NAGK: variants seen among roughly 807,000 people sequenced by gnomAD.
NAGK encodes the protein N-acetyl-D-glucosamine kinase.
NAGK carries 35 observed loss-of-function variants against 42.9 expected under a neutral mutation model. The ratio of observed to expected loss-of-function variants is 0.82; its 90% confidence interval spans 0.62 to 1.08. The LOEUF (loss-of-function observed/expected upper bound fraction) is 1.08. Among genes scored for constraint, NAGK ranks in the 50% least tolerant of loss-of-function variants. The pLI is 0.00. For synonymous variants in NAGK, 172 were observed against 176.0 expected (o/e 0.98, Z 0.18); for missense variants, 446 against 446.0 (o/e 1.00, Z 0.00).
chr2:71,072,403 G>T, intron 4 of NAGK: 1 of 496,948 alleles, frequency 2.0e-6, no homozygotes. Context: ...CCTCTAAGAG[G>T]TGCAGGCTTG....
At position 71,072,584 on chromosome 2, in the gene NAGK, A is replaced by G. The variant is rs186930955; in HGVS notation, c.356-57A>G. On this transcript the variant is annotated intron_variant, in intron 4 of 9. Coordinates refer to ENST00000244204, the MANE Select transcript of NAGK (RefSeq NM_017567.6). The stretch of plus-strand genomic sequence containing the variant: ...TCTGTCCTGTCTTTCCACAGTGGCA[A>G]GCTGTTGCTCTGTGCCAGGCCTCGG... 577 of 1,421,890 alleles carry G rather than the reference A, an allele frequency of 4.1e-4. 9 individuals are homozygous for G. The East Asian group carries it at 0.011, about 28-fold the overall frequency. The allele number at this position is 1,421,890 out of a possible 1,614,324, so 88.1% of individuals were successfully genotyped here.
Position 71,071,677 on chromosome 2 carries a change from G to A in NAGK, c.214-9G>A, listed in dbSNP as rs367798966. The A allele has an allele frequency of 3.1e-4, 493 of 1,610,096 alleles. No individual in the cohort carries two copies. Among genetic ancestry groups the A allele is most frequent in the Non-Finnish European group, 3.8e-4 (442 of 1,178,378 alleles). On this transcript the variant is annotated splice_polypyrimidine_tract_variant and intron_variant, in intron 3 of 9. Coordinates refer to ENST00000244204, the MANE Select transcript of NAGK (RefSeq NM_017567.6). ...CTCTGCACACTCGCTCACCTCCCGC[G>A]TGGCCTAGGGCCTATCTCTGAGCGG...
intron 8 of NAGK, 77 bp downstream of exon 8, chr2:71,076,778 C>A: frequency 1.7e-6 from 2 of 1,198,424 alleles, no homozygotes; most frequent in Admixed American, 1.9e-5. Flanking sequence ...GGGACTATCC[C>A]ATCAAACCCT....
Position 71,079,070 on chromosome 2 carries a change from C to T in NAGK, c.*562C>T, listed in dbSNP as rs1279967446. ...ATCTTTACCTCACTGGATTTAGTAACTGCAGGTAAGCAGGACATTTTGAAG... is the reference window on the plus strand; with the variant it reads ...ATCTTTACCTCACTGGATTTAGTAATTGCAGGTAAGCAGGACATTTTGAAG... On this transcript the variant is annotated 3_prime_UTR_variant, in exon 10 of 10. Coordinates refer to ENST00000244204, the MANE Select transcript of NAGK (RefSeq NM_017567.6). 2 of 152,408 alleles carry T rather than the reference C, an allele frequency of 1.3e-5. No homozygotes were observed. The highest frequency in any genetic ancestry group is 2.1e-4 in the South Asian group (1 of 4,832). The allele number at this position is 152,408 out of a possible 1,614,324, so 9.4% of individuals were successfully genotyped here. A position where few individuals can be genotyped will look rare whatever the true frequency, so the allele number is the denominator to read the frequency against.
Position 71,073,505 on chromosome 2 carries a change from G to A in NAGK, c.490G>A (p.Val164Met). Residue 164 changes from valine (V) to methionine (M), a missense_variant, in exon 6 of 10, where the codon GTG (valine) becomes ATG (methionine). Transcript: ENST00000244204. ...GSAYWIAHQA[V>M]KIVFDSIDNL... ...AGCCTACTGGATCGCACACCAAGCA[G>A]TGAAAATAGTGTTTGACTCCATTGA... 3 of 1,614,100 alleles carry A rather than the reference G, an allele frequency of 1.9e-6. No individual in the cohort carries two copies. The Middle Eastern group carries it at 4.9e-4, about 266-fold the overall frequency.
chr2:71,075,360 G>A lies in NAGK; in HGVS notation c.580-195G>A, dbSNP rs1432179141. 235 of 555,976 alleles carry A rather than the reference G, an allele frequency of 4.2e-4. 1 individual carries two copies. Among genetic ancestry groups the A allele is most frequent in the Non-Finnish European group, 2.9e-5 (9 of 309,516 alleles). 34.4% of individuals were successfully genotyped at this position (555,976 alleles called of 1,614,324 possible). A position where few individuals can be genotyped will look rare whatever the true frequency, so the allele number is the denominator to read the frequency against. ...GTGCTGCCTTCAAACTAATCTATAA[G>A]AAATAATGAAGTCCATGTTAGGGAA... On this transcript the variant is annotated intron_variant, in intron 6 of 9. Transcript: ENST00000244204.
Position 71,072,878 on chromosome 2 carries a change from C to A in NAGK, c.466+127C>A, listed in dbSNP as rs758595562. Reference sequence around the variant, plus strand: ...CCTGGGGACAACTCCTGAACCTGGCCATTCCATGTGCAGGATCATGACTGA... The same window carrying A: ...CCTGGGGACAACTCCTGAACCTGGCAATTCCATGTGCAGGATCATGACTGA... On this transcript the variant is annotated intron_variant, in intron 5 of 9. Transcript: ENST00000244204. 8.6e-6 allele frequency: 7 copies of A among 810,748 alleles called. No individual in the cohort carries two copies. The African/African-American group carries it at 1.2e-4, about 14-fold the overall frequency. The allele number at this position is 810,748 out of a possible 1,614,324, so 50.2% of individuals were successfully genotyped here.
chr2:71,068,769 C>A, intron 1 of NAGK, 57 bp downstream of exon 1: 1 of 1,437,566 alleles, frequency 7.0e-7, no homozygotes, highest in Non-Finnish European at 9.1e-7. Flanking sequence ...AAGGCCGTGG[C>A]CAGCCTGGCA....
At chr2:71,074,119 A>G (rs1263316891) in intron 6 of NAGK, among the ~76,000 whole-genome samples, 1 of 152,164 alleles carries the variant, frequency 6.6e-6, no homozygotes, top group African/African-American at 2.4e-5. Flanking sequence ...TAAGTTAGGA[A>G]ACATCTGCCT....
At chr2:71,073,342 CTGCCA>C in intron 5 of NAGK, 135 bp from the exon 6 acceptor site, 16 of 591,410 alleles carry the variant, frequency 2.7e-5, no homozygotes, top group East Asian at 3.5e-5. Context: ...CTCCCACCCC[CTGCCA>C]CCCCTGGCTG....
In NAGK at chr2:71,079,380, C is replaced by G. The variant is rs12615175; in HGVS notation, c.*872C>G. The G allele has an allele frequency of 2.6e-5, 4 of 152,104 alleles. No homozygotes were observed. Among genetic ancestry groups the G allele is most frequent in the Non-Finnish European group, 4.4e-5 (3 of 68,018 alleles). The allele number at this position is 152,104 out of a possible 1,614,324, so 9.4% of individuals were successfully genotyped here. A position where few individuals can be genotyped will look rare whatever the true frequency, so the allele number is the denominator to read the frequency against. Reference sequence around the variant, plus strand: ...TGGTGAAGACTAAGGACAGGAGTCTCGATCCACAATAGCTGCCTCTCCAGG... The same window carrying G: ...TGGTGAAGACTAAGGACAGGAGTCTGGATCCACAATAGCTGCCTCTCCAGG... On this transcript the variant is annotated 3_prime_UTR_variant, in exon 10 of 10. Coordinates refer to ENST00000244204, the MANE Select transcript of NAGK (RefSeq NM_017567.6).
chr2:71,068,629 G>A (rs558221046), upstream of NAGK: 3 of 1,523,366 alleles, frequency 2.0e-6, no homozygotes, highest in East Asian at 5.4e-5. Flanking sequence ...AGGGAAGGAG[G>A]TGTCAGGCGG....
intron 5 of NAGK, 157 bp from the exon 6 acceptor site, chr2:71,073,324 AC>A: frequency 5.3e-6 from 1 of 188,382 alleles, no homozygotes; most frequent in South Asian, 4.4e-5. Flanking sequence ...AGACCCTCCC[AC>A]CCCCCTCTCC....
intron 5 of NAGK, 60 bp downstream of exon 5, chr2:71,072,811 T>G (rs1272689450): frequency 6.8e-7 from 1 of 1,470,482 alleles, no homozygotes; most frequent in Non-Finnish European, 9.4e-7. Flanking sequence ...TCACTCCCTG[T>G]CTTTCTCTCC....
intron 1 of NAGK, 26 bp from the exon 2 acceptor site, chr2:71,070,476 A>G: frequency 6.2e-7 from 1 of 1,600,336 alleles, no homozygotes; most frequent in Non-Finnish European, 8.6e-7. Flanking sequence ...TCCGAGCAAG[A>G]TCAAGTGCCC....
chr2:71,069,090 GGGGAGT>G, intron 1 of NAGK: 1 of 1,027,612 alleles, frequency 9.7e-7, no homozygotes, highest in Non-Finnish European at 1.2e-6. Flanking sequence ...CGGGCAGGGT[GGGGAGT>G]GGGAGTGGGG....
intron 4 of NAGK, 124 bp downstream of exon 4, chr2:71,071,951 T>C: frequency 7.8e-7 from 1 of 1,289,882 alleles, no homozygotes; most frequent in East Asian, 2.5e-5. Context: ...TCCCCTCAAC[T>C]CTTTAAGTAG....
rs764145593 is a variant in NAGK, at chr2:71,078,366, T to A, written c.893T>A (p.Phe298Tyr). ...TQGREIQAQN[F>Y]FSSFTLMKLR... is the part of the protein sequence containing the mutation. ...GGCAGAGAGATCCAGGCTCAGAACT[T>A]CTTCTCCAGCTTCACCCTGATGAAG... The change falls in exon 10 of 10, where the codon TTC (phenylalanine) becomes TAC (tyrosine). Residue 298 changes from phenylalanine to tyrosine, a missense_variant. Phe to Tyr is a conservative substitution (Grantham distance 22, BLOSUM62 3). Coordinates refer to ENST00000244204, the MANE Select transcript of NAGK (RefSeq NM_017567.6). 1 of 1,612,926 alleles carries A rather than the reference T, an allele frequency of 6.2e-7. No individual in the cohort carries two copies. The highest frequency in any genetic ancestry group is 8.5e-7 in the Non-Finnish European group (1 of 1,178,858).
intron 9 of NAGK, among the ~76,000 whole-genome samples, chr2:71,078,036 T>C (rs548682386): frequency 3.3e-5 from 5 of 152,146 alleles, no homozygotes; most frequent in Non-Finnish European, 7.4e-5. Flanking sequence ...AGTTGGATGG[T>C]TTCTACCGGA....
Sources: gnomAD v4.1 joint callset for allele counts (sites outside exome capture counted in the v4.1 genomes callset) on GRCh38, gnomAD v4.1.1 for gene constraint, MANE v1.5 for transcripts, NCBI Gene and HGNC (gene_info 2026-07-23, HGNC 2026-07-21) for gene names.